VPS8: variants seen among roughly 807,000 people sequenced by gnomAD.
VPS8 encodes the protein vacuolar protein sorting-associated protein 8 homolog.
A neutral mutation model predicts 216.4 loss-of-function variants in VPS8; 129 were observed. That is an observed-to-expected ratio of 0.60 (90% CI 0.52 to 0.69). VPS8 has a LOEUF of 0.69. Among genes scored for constraint, VPS8 ranks in the 30% least tolerant of loss-of-function variants. The probability of loss-of-function intolerance (pLI) is 0.00; values close to 1 mark genes in which losing one functional copy is unlikely to be tolerated. For missense variants in VPS8, 1,531 were observed against 1,683.5 expected, an observed-to-expected ratio of 0.91 and a Z score of 1.59; for synonymous variants, 571 against 565.4, an observed-to-expected ratio of 1.01 and a Z score of -0.14.
intron 1 of VPS8, chr3:184,817,255 AG>A (rs546165352): frequency 6.2e-4 from 63 of 101,274 alleles, no homozygotes; most frequent in Admixed American, 1.5e-3. Flanking sequence ...GTATTTACCT[AG>A]GGAGGGAGGG....
At chr3:184,825,984 T>C (rs1204650344) in intron 2 of VPS8, among the ~76,000 whole-genome samples, 179 bp from the exon 3 acceptor site, 1 of 152,080 alleles carries the variant, frequency 6.6e-6, no homozygotes, top group Non-Finnish European at 1.5e-5. Flanking sequence ...ACTGAACGTG[T>C]AGATAGGAAA....
intron 14 of VPS8, 42 bp downstream of exon 14, chr3:184,855,860 T>G (rs1208641868): frequency 6.6e-7 from 1 of 1,505,228 alleles, no homozygotes; most frequent in African/African-American, 1.4e-5. Flanking sequence ...TTACAATTTT[T>G]TTTATTCATC....
chr3:184,852,037 A>G (rs1724375564), intron 10 of VPS8, among the ~76,000 whole-genome samples: 1 of 152,228 alleles, frequency 6.6e-6, no homozygotes, highest in African/African-American at 2.4e-5. Flanking sequence ...TTTTAGATAT[A>G]GTGGACTTAC....
In VPS8 at chr3:185,052,015, C is replaced by G; in HGVS notation, c.4277C>G (p.Thr1426Ser). 1 of 1,612,212 alleles carries G rather than the reference C, an allele frequency of 6.2e-7. No individual in the cohort carries two copies. Among genetic ancestry groups the G allele is most frequent in the Non-Finnish European group, 8.5e-7 (1 of 1,179,170 alleles). ...CTGCAGCTCATTCCTCCACCTGTGACTGAGGATTGATGACTCCATGGAGCC... is the reference window on the plus strand; with the variant it reads ...CTGCAGCTCATTCCTCCACCTGTGAGTGAGGATTGATGACTCCATGGAGCC... ...FQLQLIPPPV[T>S]ED The change falls in exon 48 of 48, where the codon ACT becomes AGT. Residue 1426 changes from threonine (T) to serine (S), a missense_variant. By Grantham distance (58) the Thr-to-Ser change is moderately conservative (BLOSUM62 1). Coordinates refer to ENST00000625842, the MANE Select transcript of VPS8 (RefSeq NM_001009921.3).
chr3:184,990,924 C>T (rs960483812), intron 42 of VPS8, among the ~76,000 whole-genome samples: 2 of 30,878 alleles, frequency 6.5e-5, no homozygotes, highest in East Asian at 7.9e-4. Flanking sequence ...CAAATTACAC[C>T]GTTTTTTTTT....
chr3:184,957,299 A>G, intron 36 of VPS8, 75 bp from the exon 37 acceptor site: 1 of 1,442,046 alleles, frequency 6.9e-7, no homozygotes, highest in South Asian at 1.3e-5. Flanking sequence ...TGTGCTTTTT[A>G]CTGGTAGCTT....
intron 25 of VPS8, among the ~76,000 whole-genome samples, chr3:184,904,747 T>C (rs962973276): frequency 3.3e-5 from 5 of 152,200 alleles, no homozygotes; most frequent in Admixed American, 6.5e-5. Flanking sequence ...ATTCTCTCTT[T>C]TATTTTTTGG....
chr3:185,019,234 A>G (rs571664765), intron 45 of VPS8, among the ~76,000 whole-genome samples: 3 of 152,174 alleles, frequency 2.0e-5, no homozygotes, highest in East Asian at 3.9e-4. Context: ...ACGTTCTCCA[A>G]CCATCACTCC....
Position 184,870,808 on chromosome 3 carries a change from A to G in VPS8, c.1734+3A>G. On this transcript the variant is annotated splice_donor_region_variant and intron_variant, in intron 21 of 47. Transcript: ENST00000625842. ...AAGTGATGGAGCAGCATTTTCAGGT[A>G]CACATTGCATGTGCTTCCAGTAGAC... The G allele has an allele frequency of 1.2e-6, 2 of 1,609,422 alleles. No homozygotes were observed.
intron 29 of VPS8, among the ~76,000 whole-genome samples, chr3:184,921,097 C>T (rs1211637961): frequency 6.6e-6 from 1 of 152,170 alleles, no homozygotes; most frequent in Admixed American, 6.5e-5. Context: ...GTCTTGTCCT[C>T]CTTTAATTTG....
chr3:185,023,470 A>G (rs758477695), intron 45 of VPS8, among the ~76,000 whole-genome samples: 24 of 152,072 alleles, frequency 1.6e-4, no homozygotes, highest in Non-Finnish European at 3.2e-4. Flanking sequence ...CAAGACGGGC[A>G]GTCATCTGAG....
At chr3:184,979,908 T>C (rs1440546651) in intron 40 of VPS8, among the ~76,000 whole-genome samples, 1 of 152,254 alleles carries the variant, frequency 6.6e-6, no homozygotes, top group African/African-American at 2.4e-5. Context: ...GTCTATGTAC[T>C]TAAGTGTGTT....
At chr3:185,024,415 C>A (rs754740675) in intron 46 of VPS8, 26 bp downstream of exon 46, 17 of 1,573,722 alleles carry the variant, frequency 1.1e-5, no homozygotes, top group Admixed American at 7.3e-5. Flanking sequence ...AGGCAAAAAA[C>A]CAGTTCTTCC....
intron 40 of VPS8, among the ~76,000 whole-genome samples, chr3:184,975,432 G>A (rs181261065): frequency 2.7e-3 from 417 of 152,020 alleles, no homozygotes; most frequent in Non-Finnish European, 4.3e-3. Flanking sequence ...TCGTTTATCA[G>A]TTCTAACAGT....
At chr3:184,892,652 C>T (rs533820545) in intron 22 of VPS8, among the ~76,000 whole-genome samples, 2 of 152,198 alleles carry the variant, frequency 1.3e-5, no homozygotes, top group South Asian at 4.2e-4. Context: ...GTTGCTGAGC[C>T]TTATTTTTCT....
intron 8 of VPS8, 23 bp downstream of exon 8, chr3:184,843,268 G>A: frequency 7.2e-7 from 1 of 1,384,114 alleles, no homozygotes; most frequent in Non-Finnish European, 9.5e-7. Context: ...ATTTTAGTTT[G>A]CATGAATGGT....
intron 47 of VPS8, among the ~76,000 whole-genome samples, chr3:185,050,169 C>T (rs1324771028): frequency 1.4e-5 from 2 of 147,652 alleles, no homozygotes; most frequent in African/African-American, 5.0e-5. Flanking sequence ...CTCACAGTGT[C>T]AGGATGTGAA....
chr3:184,911,491 C>T (rs1007131961), intron 25 of VPS8, among the ~76,000 whole-genome samples: 12 of 152,180 alleles, frequency 7.9e-5, no homozygotes, highest in South Asian at 4.1e-4. Flanking sequence ...GTAGGATCTT[C>T]GGCCTGTGCT....
At chr3:184,873,016 A>G (rs16859362) in intron 21 of VPS8, among the ~76,000 whole-genome samples, 1,647 of 152,300 alleles carry the variant, frequency 0.011, 27 homozygotes, top group African/African-American at 0.037. Context: ...GATATGGTCC[A>G]GACTGTGCCT....
Sources: gnomAD v4.1 joint callset for allele counts (sites outside exome capture counted in the v4.1 genomes callset) on GRCh38, gnomAD v4.1.1 for gene constraint, MANE v1.5 for transcripts, NCBI Gene and HGNC (gene_info 2026-07-23, HGNC 2026-07-21) for gene names.